Variants in CCDC192 observed in about 807,000 individuals in gnomAD.
CCDC192 encodes the protein coiled-coil domain containing 192, also known as coiled-coil domain-containing protein 192.
At chr5:127,861,978 A>G (rs995301864) in intron 5 of CCDC192, among the ~76,000 whole-genome samples, 10 of 152,192 alleles carry the variant, frequency 6.6e-5, no homozygotes, top group African/African-American at 1.9e-4. Flanking sequence ...TTGATCTGCA[A>G]TGAGTTTTAA....
intron 3 of CCDC192, among the ~76,000 whole-genome samples, chr5:127,764,296 G>A (rs189220403): frequency 5.7e-4 from 86 of 152,176 alleles, no homozygotes; most frequent in African/African-American, 2.0e-3. Context: ...AATCCAGTTT[G>A]GAAATGATAA....
chr5:127,716,605 T>G (rs1413829503), intron 2 of CCDC192, among the ~76,000 whole-genome samples: 1 of 152,214 alleles, frequency 6.6e-6, no homozygotes, highest in Non-Finnish European at 1.5e-5. Context: ...TCTTCATGTT[T>G]TATTCTTGAT....
intron 2 of CCDC192, among the ~76,000 whole-genome samples, chr5:127,733,033 C>A (rs868632647): frequency 1.3e-5 from 2 of 152,130 alleles, no homozygotes; most frequent in Middle Eastern, 3.4e-3. Context: ...AAAAGAAGGT[C>A]AAGGAAGAGA....
intron 5 of CCDC192, among the ~76,000 whole-genome samples, chr5:127,799,629 T>A (rs1757371712): frequency 6.6e-6 from 1 of 152,162 alleles, no homozygotes; most frequent in South Asian, 2.1e-4. Context: ...GCTTCCAGCA[T>A]CTCTTTGTGA....
intron 6 of CCDC192, among the ~76,000 whole-genome samples, chr5:127,925,991 C>T (rs1428654844): frequency 2.0e-5 from 3 of 152,156 alleles, no homozygotes; most frequent in Non-Finnish European, 1.5e-5. Context: ...AGCAGATTCA[C>T]AGAGACTCCA....
At chr5:127,818,694 A>C (rs1239108440) in intron 5 of CCDC192, among the ~76,000 whole-genome samples, 1 of 152,108 alleles carries the variant, frequency 6.6e-6, no homozygotes, top group Non-Finnish European at 1.5e-5. Flanking sequence ...TGAGCTGAGT[A>C]TTAAATTAGG....
At chr5:127,932,488 G>A (rs1380638799) in intron 6 of CCDC192, among the ~76,000 whole-genome samples, 1 of 152,146 alleles carries the variant, frequency 6.6e-6, no homozygotes, top group East Asian at 1.9e-4. Flanking sequence ...ACAGGCATGA[G>A]CCACCATGCC....
intron 2 of CCDC192, among the ~76,000 whole-genome samples, chr5:127,724,928 TATC>T (rs1391681945): frequency 1.3e-5 from 2 of 151,930 alleles, no homozygotes; most frequent in Non-Finnish European, 2.9e-5. Flanking sequence ...AGGAAAATAG[TATC>T]ATCATTCACC....
upstream of CCDC192, among the ~76,000 whole-genome samples, chr5:127,702,440 C>T (rs248726): frequency 0.31 from 47,572 of 152,020 alleles, 8,290 homozygotes; most frequent in Middle Eastern, 0.43. Flanking sequence ...TAATTTTATT[C>T]ATAGGGTTTT....
chr5:127,863,701 A>G (rs1166543279), intron 5 of CCDC192, among the ~76,000 whole-genome samples: 1 of 152,216 alleles, frequency 6.6e-6, no homozygotes, highest in Non-Finnish European at 1.5e-5. Context: ...GGTACATTTT[A>G]TGTTATGCAC....
intron 5 of CCDC192, among the ~76,000 whole-genome samples, chr5:127,813,270 C>T (rs1475350016): frequency 2.0e-5 from 3 of 152,118 alleles, no homozygotes; most frequent in Admixed American, 6.5e-5. Flanking sequence ...CTCAAATTCT[C>T]TTGTCAGGAA....
At chr5:127,742,427 C>A (rs1046726298) in intron 2 of CCDC192, among the ~76,000 whole-genome samples, 1 of 151,864 alleles carries the variant, frequency 6.6e-6, no homozygotes, top group Non-Finnish European at 1.5e-5. Flanking sequence ...GTGTTTATTT[C>A]TAAAAAAAAT....
intron 3 of CCDC192, chr5:127,786,054 G>A (rs1756520366): frequency 3.0e-6 from 2 of 670,028 alleles, no homozygotes; most frequent in Non-Finnish European, 5.4e-6. Flanking sequence ...ATTCTCCTAG[G>A]TCATTCTGGA....
At chr5:127,827,561 G>A (rs1363905235) in intron 5 of CCDC192, among the ~76,000 whole-genome samples, 4 of 151,998 alleles carry the variant, frequency 2.6e-5, no homozygotes, top group Non-Finnish European at 5.9e-5. Flanking sequence ...CTTTAAATAC[G>A]GAACCAATCT....
At chr5:127,867,904 C>G (rs1042641090) in intron 5 of CCDC192, among the ~76,000 whole-genome samples, 8 of 152,038 alleles carry the variant, frequency 5.3e-5, no homozygotes, top group African/African-American at 1.9e-4. Context: ...AAAGAACCTG[C>G]AAGTAGAACC....
At chr5:127,763,975 C>G (rs1263142792) in intron 3 of CCDC192, among the ~76,000 whole-genome samples, 1 of 152,176 alleles carries the variant, frequency 6.6e-6, no homozygotes, top group Non-Finnish European at 1.5e-5. Flanking sequence ...TAGGTGCTTT[C>G]ATAATCTCTC....
At chr5:127,727,137 A>C (rs1752372514) in intron 2 of CCDC192, among the ~76,000 whole-genome samples, 2 of 152,212 alleles carry the variant, frequency 1.3e-5, no homozygotes, top group South Asian at 4.1e-4. Flanking sequence ...AGGGACCCTC[A>C]GCAAACCATA....
rs569175710 is a variant in CCDC192, at chr5:127,896,634, C to T, written c.535+20973C>T. Among the ~76,000 whole-genome samples the T allele has an allele frequency of 2.0e-5, 3 of 152,120 alleles. 1 individual carries two copies. The highest frequency in any genetic ancestry group is 4.2e-4 in the South Asian group (2 of 4,806). On this transcript the variant is annotated intron_variant, in intron 6 of 6. Coordinates refer to ENST00000514853, the MANE Select transcript of CCDC192 (RefSeq NM_001317938.2). ...TTGTTTTTTGTATTTTTAGTAGAGA[C>T]GGGATTTCTCCATGTTGGTCAGGCT...
intron 5 of CCDC192, among the ~76,000 whole-genome samples, chr5:127,827,252 A>C (rs1749574425): frequency 6.6e-6 from 1 of 152,188 alleles, no homozygotes; most frequent in African/African-American, 2.4e-5. Flanking sequence ...GATCTGAGGA[A>C]GAGTAAAGGG....
Sources: gnomAD v4.1 joint callset for allele counts (sites outside exome capture counted in the v4.1 genomes callset) on GRCh38, gnomAD v4.1.1 for gene constraint, MANE v1.5 for transcripts, NCBI Gene and HGNC (gene_info 2026-07-23, HGNC 2026-07-21) for gene names.